XDH: variants seen among roughly 807,000 people sequenced by gnomAD.
XDH encodes the protein xanthine dehydrogenase, also known as xanthine dehydrogenase/oxidase.
A neutral mutation model predicts 156.1 loss-of-function variants in XDH; 138 were observed. The observed-to-expected ratio is 0.88, with a 90% confidence interval of 0.77 to 1.02. The LOEUF (loss-of-function observed/expected upper bound fraction) is 1.02. Ranked by LOEUF, XDH falls within the 50% of genes least tolerant of loss-of-function variation. The pLI, the probability that XDH is intolerant of heterozygous loss-of-function variation, is 0.00. For synonymous variants in XDH, 669 were observed against 625.7 expected (o/e 1.07, Z -1.03); for missense variants, 1,849 against 1,684.9 (o/e 1.10, Z -1.71).
chr2:31,414,211 C>T (rs1687416171), intron 1 of XDH, among the ~76,000 whole-genome samples: 1 of 152,226 alleles, frequency 6.6e-6, no homozygotes, highest in East Asian at 1.9e-4. Flanking sequence ...AAACACATTC[C>T]TGTTCCTTCT....
At position 31,342,255 on chromosome 2, in the gene XDH, G is replaced by T. The variant is rs780937583; in HGVS notation, c.3447C>A (p.Asn1149Lys). 6 of 1,614,028 alleles carry T rather than the reference G, an allele frequency of 3.7e-6. No individual in the cohort carries two copies. The highest frequency in any genetic ancestry group is 5.1e-6 in the Non-Finnish European group (6 of 1,180,032). Residue 1149 changes from asparagine (N) to lysine (K), a missense_variant, in exon 32 of 36, where the codon AAC (asparagine) becomes AAA (lysine). By Grantham distance (94) the Asn-to-Lys change is moderately conservative. Coordinates refer to ENST00000379416, the MANE Select transcript of XDH (RefSeq NM_000379.4). ...LGYSFETNSGNPFHYFSYGVA... is the reference protein window; with the variant it reads ...LGYSFETNSGKPFHYFSYGVA... ...CCCCATAGCTGAAGTAGTGGAAGGG[G>T]TTCCCTGAGTTAGTCTCAAAGCTGT...
At chr2:31,341,834 A>C (rs530912697) in intron 32 of XDH, among the ~76,000 whole-genome samples, 1 of 152,308 alleles carries the variant, frequency 6.6e-6, no homozygotes, top group South Asian at 2.1e-4. Flanking sequence ...GAAAAATAAA[A>C]AGAAGAATAT....
intron 31 of XDH, among the ~76,000 whole-genome samples, chr2:31,343,831 CAT>C (rs1023177115): frequency 7.3e-6 from 1 of 137,340 alleles, no homozygotes; most frequent in Non-Finnish European, 1.6e-5. Context: ...TATATATGTT[CAT>C]ATATATATTC....
At chr2:31,360,859 A>C (rs1395663637) in intron 24 of XDH, among the ~76,000 whole-genome samples, 1 of 148,676 alleles carries the variant, frequency 6.7e-6, no homozygotes, top group Non-Finnish European at 1.5e-5. Flanking sequence ...TGACTGTATA[A>C]CAAGGAGTTC....
intron 16 of XDH, among the ~76,000 whole-genome samples, chr2:31,372,928 C>G (rs573555474): frequency 1.3e-5 from 2 of 151,732 alleles, no homozygotes; most frequent in East Asian, 3.9e-4. Context: ...TTTTTATTTT[C>G]TTCTTTATGC....
At chr2:31,402,979 G>T in intron 3 of XDH, 69 bp downstream of exon 3, 2 of 1,549,180 alleles carry the variant, frequency 1.3e-6, no homozygotes, top group Non-Finnish European at 1.8e-6. Flanking sequence ...ATACACTCAT[G>T]CACTCCCTCA....
At chr2:31,340,933 G>A (rs991122519) in intron 33 of XDH, among the ~76,000 whole-genome samples, 2 of 152,130 alleles carry the variant, frequency 1.3e-5, no homozygotes, top group South Asian at 4.1e-4. Flanking sequence ...GCTGTCCTAG[G>A]TGGAGGAGGA....
intron 15 of XDH, 72 bp downstream of exon 15, chr2:31,375,308 T>A (rs1429047175): frequency 6.2e-7 from 1 of 1,602,544 alleles, no homozygotes. Flanking sequence ...GGAGCAAATT[T>A]ACTACCCAGA....
At position 31,339,515 on chromosome 2, in the gene XDH, T is replaced by A; in HGVS notation, c.3748A>T (p.Asn1250Tyr). Reference protein sequence around the residue: ...FRVSLLRDCPNKKAIYASKAV... With the variant: ...FRVSLLRDCPYKKAIYASKAV... ...TTCGATGCATAGATGGCCTTCTTGTTGGGGCAGTCGCGGAGCAGGGACACC... is the reference window on the plus strand; with the variant it reads ...TTCGATGCATAGATGGCCTTCTTGTAGGGGCAGTCGCGGAGCAGGGACACC... The change falls in exon 34 of 36, where the codon AAC becomes TAC. Residue 1250 changes from asparagine (N) to tyrosine (Y), a missense_variant. Transcript: ENST00000379416. 1.2e-6 allele frequency: 2 copies of A among 1,614,192 alleles called. No homozygotes were observed. Among genetic ancestry groups the A allele is most frequent in the Non-Finnish European group, 1.7e-6 (2 of 1,180,032 alleles).
intron 30 of XDH, among the ~76,000 whole-genome samples, chr2:31,346,461 A>G (rs1335454354): frequency 6.6e-6 from 1 of 152,146 alleles, no homozygotes; most frequent in African/African-American, 2.4e-5. Context: ...CAATCCGATG[A>G]GGCATGTTCA....
intron 24 of XDH, among the ~76,000 whole-genome samples, chr2:31,356,237 G>A (rs535701549): frequency 1.4e-4 from 21 of 152,150 alleles, no homozygotes; most frequent in African/African-American, 5.1e-4. Context: ...ATCAGGAAGG[G>A]TATAGAAGAA....
Position 31,383,821 on chromosome 2 carries a change from G to A in XDH, c.820C>T (p.Leu274=). 6.2e-7 allele frequency: 1 copy of A among 1,614,062 alleles called. No homozygotes were observed. Among genetic ancestry groups the A allele is most frequent in the Non-Finnish European group, 8.5e-7 (1 of 1,180,004 alleles). Residue 274 remains leucine (L), a synonymous_variant, in exon 10 of 36, where the codon CTG becomes TTG. Coordinates refer to ENST00000379416, the MANE Select transcript of XDH (RefSeq NM_000379.4). ...GCTGGGCAGACAATCATAGGAAACA[G>A]CATATTCTTGAACTTCATCTCAATG... ...IGIEMKFKNM[L]FPMIVCPAWI...
rs1310965576 is a variant in XDH at position 31,366,999 on chromosome 2, G to A, written c.2198-5C>T. The stretch of plus-strand genomic sequence containing the variant: ...GGCCACCGATGTATATCTCCCCTGG[G>A]GAAGCAGTGAGATCCCTCACAGTGA... On this transcript the variant is annotated splice_polypyrimidine_tract_variant and splice_region_variant and intron_variant, in intron 20 of 35. Coordinates refer to ENST00000379416, the MANE Select transcript of XDH (RefSeq NM_000379.4). The A allele has an allele frequency of 4.3e-6, 7 of 1,614,038 alleles. No individual in the cohort carries two copies. The highest frequency in any genetic ancestry group is 4.0e-5 in the African/African-American group (3 of 74,950).
chr2:31,368,098 A>C (rs567806063), intron 19 of XDH, 41 bp from the exon 20 acceptor site: 1 of 1,573,324 alleles, frequency 6.4e-7, no homozygotes, highest in South Asian at 1.1e-5. Context: ...GGCTTTTAGC[A>C]GGGAGGGAAA....
At chr2:31,399,539 G>A (rs1002108925) in intron 4 of XDH, among the ~76,000 whole-genome samples, 2 of 152,184 alleles carry the variant, frequency 1.3e-5, no homozygotes, top group African/African-American at 4.8e-5. Flanking sequence ...CATTGGATAG[G>A]GAGGATTTTA....
intron 13 of XDH, among the ~76,000 whole-genome samples, chr2:31,378,914 G>C (rs1686353314): frequency 6.6e-6 from 1 of 151,928 alleles, no homozygotes; most frequent in East Asian, 1.9e-4. Flanking sequence ...GCTCAAAATG[G>C]TCTATACAGA....
In XDH at chr2:31,337,785, A is replaced by C. The variant is rs1287008014; in HGVS notation, c.3807T>G (p.Ala1269=). The change falls in exon 35 of 36, where the codon GCT becomes GCG. Residue 1269 remains alanine (A), a synonymous_variant. Coordinates refer to ENST00000379416, the MANE Select transcript of XDH (RefSeq NM_000379.4). ...CATCTTTGATGGCAAAGAAGATAGA[A>C]GCAGCCAGGAAGAGGGGCGGCTCTC... The part of the protein sequence containing the change: ...AVGEPPLFLA[A]SIFFAIKDAI... 24 of 1,614,184 alleles carry C rather than the reference A, an allele frequency of 1.5e-5. No individual in the cohort carries two copies. The highest frequency in any genetic ancestry group is 2.0e-5 in the Non-Finnish European group (24 of 1,180,032).
intron 19 of XDH, 30 bp from the exon 20 acceptor site, chr2:31,368,087 T>C (rs753900801): frequency 5.0e-6 from 8 of 1,606,822 alleles, no homozygotes; most frequent in Middle Eastern, 1.6e-4. Context: ...TTCAGAAATG[T>C]GGCTTTTAGC....
intron 2 of XDH, among the ~76,000 whole-genome samples, chr2:31,405,661 C>G (rs1687172756): frequency 6.6e-6 from 1 of 152,192 alleles, no homozygotes; most frequent in Admixed American, 6.5e-5. Flanking sequence ...TGGATTAAAC[C>G]TTGGCATTAC....
Sources: allele counts gnomAD v4.1 joint callset (sites outside exome capture counted in the v4.1 genomes callset), GRCh38; gene constraint gnomAD v4.1.1; transcripts MANE v1.5; gene names NCBI Gene and HGNC (gene_info 2026-07-23, HGNC 2026-07-21).